The following HPSE variants were observed in gnomAD, a reference collection of about 807,000 sequenced individuals.
HPSE encodes the protein heparanase, also known as endo-glucoronidase.
HPSE carries 48 observed loss-of-function variants against 65.1 expected under a neutral mutation model. The observed-to-expected ratio is 0.74, with a 90% CI of 0.58 to 0.94. HPSE has a LOEUF of 0.94. Among genes scored for constraint, HPSE ranks in the 40% least tolerant of loss-of-function variants. The pLI, the probability that HPSE is intolerant of heterozygous loss-of-function variation, is 0.00. For synonymous variants in HPSE, 243 were observed against 260.0 expected (o/e 0.93, Z 0.63); for missense variants, 644 against 637.5 (o/e 1.01, Z -0.11).
chr4:83,314,442 C>T (rs555236009), intron 3 of HPSE, among the ~76,000 whole-genome samples: 12 of 152,170 alleles, frequency 7.9e-5, no homozygotes, highest in African/African-American at 2.4e-4. Context: ...TACTATTGGA[C>T]CTATTACTAT....
chr4:83,304,694 C>A (rs997170780), intron 9 of HPSE, among the ~76,000 whole-genome samples: 2 of 152,036 alleles, frequency 1.3e-5, no homozygotes, highest in Admixed American at 1.3e-4. Flanking sequence ...AATAAATCAC[C>A]ATTCAACACA....
intron 8 of HPSE, among the ~76,000 whole-genome samples, chr4:83,308,289 C>T (rs965740905): frequency 3.3e-5 from 5 of 152,064 alleles, no homozygotes; most frequent in Non-Finnish European, 7.4e-5. Flanking sequence ...TCCTGTAGTC[C>T]CAGCTACTCA....
At chr4:83,321,090 C>T (rs958033745) in intron 2 of HPSE, among the ~76,000 whole-genome samples, 9 of 152,132 alleles carry the variant, frequency 5.9e-5, no homozygotes, top group African/African-American at 1.4e-4. Context: ...CCCAGCTACT[C>T]AGGAGGCTAA....
At position 83,293,617 on chromosome 4, in the gene HPSE, G is replaced by A. The variant is rs939333163; in HGVS notation, c.*1727C>T. 2.0e-5 allele frequency: 3 copies of A among 152,220 alleles called. No individual in the cohort carries two copies. The highest frequency in any genetic ancestry group is 4.4e-5 in the Non-Finnish European group (3 of 68,048). 9.4% of individuals were successfully genotyped at this position (152,220 alleles called of 1,614,324 possible). On this transcript the variant is annotated 3_prime_UTR_variant, in exon 12 of 12. Coordinates refer to ENST00000311412, the MANE Select transcript of HPSE (RefSeq NM_001098540.3). ...CCAACTGAAACAAGGAAGAAAGGTA[G>A]AGAAAAAGCAAGCATTAACAGACAG...
intron 1 of HPSE, among the ~76,000 whole-genome samples, chr4:83,328,274 T>A (rs1190997758): frequency 6.6e-6 from 1 of 152,206 alleles, no homozygotes; most frequent in Non-Finnish European, 1.5e-5. Context: ...AAGGATTTGT[T>A]CCAGGTCTTT....
intron 3 of HPSE, among the ~76,000 whole-genome samples, chr4:83,313,537 T>C (rs1736506909): frequency 6.6e-6 from 1 of 152,126 alleles, no homozygotes; most frequent in Non-Finnish European, 1.5e-5. Flanking sequence ...GACACTTAGG[T>C]TTTGTTCAAG....
intron 1 of HPSE, among the ~76,000 whole-genome samples, chr4:83,324,301 T>A (rs1193599721): frequency 6.6e-6 from 1 of 152,058 alleles, no homozygotes; most frequent in Non-Finnish European, 1.5e-5. Flanking sequence ...TGCCAGTACC[T>A]CTTAATATCC....
At chr4:83,308,802 A>G in intron 8 of HPSE, 43 bp downstream of exon 8, 1 of 1,407,570 alleles carries the variant, frequency 7.1e-7, no homozygotes, top group Non-Finnish European at 1.0e-6. Flanking sequence ...AGGATGGAGA[A>G]GAGCTGCACT....
At position 83,313,162 on chromosome 4, in the gene HPSE, C is replaced by T. The variant is rs761100789; in HGVS notation, c.625G>A (p.Asp209Asn). 3.1e-6 allele frequency: 5 copies of T among 1,613,784 alleles called. No homozygotes were observed. The Admixed American group carries it at 8.3e-5, about 27-fold the overall frequency. Residue 209 changes from aspartate to asparagine, a missense_variant, in exon 4 of 12, where the codon GAC (aspartate) becomes AAC (asparagine). Coordinates refer to ENST00000311412, the MANE Select transcript of HPSE (RefSeq NM_001098540.3). Reference protein sequence around the residue: ...WNSSNAQLLLDYCSSKGYNIS... With the variant: ...WNSSNAQLLLNYCSSKGYNIS... ...TTATACCCCTTGGAAGAGCAGTAGT[C>T]CAGGAGCAACTGAGCATTAGAACTG...
chr4:83,320,271 A>C (rs1335610691), intron 2 of HPSE, among the ~76,000 whole-genome samples: 2 of 152,148 alleles, frequency 1.3e-5, no homozygotes, highest in African/African-American at 4.8e-5. Flanking sequence ...TGCACTTGAA[A>C]AAATCCACCC....
rs768112860 is a variant in HPSE, at chr4:83,334,699, G to A, written c.84C>T (p.Ala28=). The change falls in exon 1 of 12, where the codon GCC becomes GCT. Residue 28 remains alanine (A), a synonymous_variant. Coordinates refer to ENST00000311412, the MANE Select transcript of HPSE (RefSeq NM_001098540.3). ...LGPLGPLSPG[A]LPRPAQAQDV... ...CCTGTGCTTGCGCAGGTCGGGGCAG[G>A]GCGCCAGGGGAGAGGGGACCCAGCG... 6.4e-6 allele frequency: 10 copies of A among 1,569,498 alleles called. No individual in the cohort carries two copies. The Admixed American group carries it at 1.9e-4, about 30-fold the overall frequency.
At chr4:83,317,695 G>A (rs934074197) in intron 3 of HPSE, among the ~76,000 whole-genome samples, 6 of 152,088 alleles carry the variant, frequency 3.9e-5, no homozygotes, top group South Asian at 2.1e-4. Context: ...AGATACATTG[G>A]TATAATGTTT....
chr4:83,306,120 A>T, intron 9 of HPSE, 83 bp downstream of exon 9: 1 of 749,494 alleles, frequency 1.3e-6, no homozygotes, highest in Non-Finnish European at 2.4e-6. Flanking sequence ...GAGAGGACTG[A>T]CTGTTCATAG....
At chr4:83,328,065 A>G (rs760055679) in intron 1 of HPSE, among the ~76,000 whole-genome samples, 1 of 152,230 alleles carries the variant, frequency 6.6e-6, no homozygotes, top group Non-Finnish European at 1.5e-5. Flanking sequence ...CGACAGACCT[A>G]AAGGGGTAAG....
At chr4:83,299,081 G>A (rs933361732) in intron 11 of HPSE, among the ~76,000 whole-genome samples, 4 of 151,822 alleles carry the variant, frequency 2.6e-5, no homozygotes, top group Admixed American at 1.3e-4. Context: ...AATGTAATAG[G>A]GGCAGGGCAC....
intron 3 of HPSE, among the ~76,000 whole-genome samples, chr4:83,313,988 C>T (rs1191960853): frequency 6.6e-6 from 1 of 152,152 alleles, no homozygotes; most frequent in East Asian, 1.9e-4. Context: ...TGCAGTGGCT[C>T]ATGCCTGTCA....
chr4:83,333,801 T>C (rs1578032454), intron 1 of HPSE, among the ~76,000 whole-genome samples: 1 of 150,902 alleles, frequency 6.6e-6, no homozygotes, highest in African/African-American at 2.4e-5. Flanking sequence ...TTATTGAATA[T>C]TTAGATTTTT....
intron 1 of HPSE, among the ~76,000 whole-genome samples, chr4:83,331,511 C>T (rs535066296): frequency 9.2e-5 from 14 of 152,218 alleles, no homozygotes; most frequent in Admixed American, 7.8e-4. Context: ...GCTGGGCTCT[C>T]TTTGGAGTTC....
rs775591944 is a variant in HPSE at position 83,295,512 on chromosome 4, G to C, written c.1473-9C>G. ...CATTGAGTTGGACAGATCTGCAAAG[G>C]AGAAAGATACACCGAGTTAACCAAG... On this transcript the variant is annotated splice_polypyrimidine_tract_variant and intron_variant, in intron 11 of 11. Coordinates refer to ENST00000311412, the MANE Select transcript of HPSE (RefSeq NM_001098540.3). 1 of 1,561,500 alleles carries C rather than the reference G, an allele frequency of 6.4e-7. No homozygotes were observed. Among genetic ancestry groups the C allele is most frequent in the Non-Finnish European group, 8.7e-7 (1 of 1,147,146 alleles).
Sources: gnomAD v4.1 joint callset for allele counts (sites outside exome capture counted in the v4.1 genomes callset) on GRCh38, gnomAD v4.1.1 for gene constraint, MANE v1.5 for transcripts, NCBI Gene and HGNC (gene_info 2026-07-23, HGNC 2026-07-21) for gene names.